Variants in EDAR observed in about 807,000 individuals in gnomAD.
EDAR encodes ectodysplasin A receptor, also known as tumor necrosis factor receptor superfamily member EDAR.
A neutral mutation model predicts 51.3 loss-of-function variants in EDAR; 38 were observed. The observed-to-expected ratio is 0.74, with a 90% CI of 0.57 to 0.97. EDAR has a LOEUF of 0.97. Among genes scored for constraint, EDAR ranks in the 50% least tolerant of loss-of-function variants. The pLI, the probability that EDAR is intolerant of heterozygous loss-of-function variation, is 0.00. For missense variants in EDAR, 528 were observed against 595.0 expected (o/e 0.89, Z 1.17); for synonymous variants, 227 against 242.1 (o/e 0.94, Z 0.58).
intron 11 of EDAR, among the ~76,000 whole-genome samples, chr2:108,900,939 T>G (rs1174087992): frequency 6.6e-6 from 1 of 152,150 alleles, no homozygotes; most frequent in East Asian, 1.9e-4. Context: ...AAGTCCACAA[T>G]TATAGTTGAA....
At chr2:108,900,556 A>C (rs1353598679) in intron 11 of EDAR, among the ~76,000 whole-genome samples, 1 of 66,788 alleles carries the variant, frequency 1.5e-5, no homozygotes, top group Non-Finnish European at 4.7e-5. Context: ...ACTCCAAAAA[A>C]AAAGAAAAAA....
chr2:108,921,356 T>C (rs1697136476), intron 5 of EDAR, among the ~76,000 whole-genome samples: 1 of 152,200 alleles, frequency 6.6e-6, no homozygotes, highest in Non-Finnish European at 1.5e-5. Flanking sequence ...CAGGGGCCCT[T>C]GGCAAGTCTG....
intron 1 of EDAR, among the ~76,000 whole-genome samples, chr2:108,956,531 A>G (rs1373062419): frequency 6.6e-6 from 1 of 152,208 alleles, no homozygotes; most frequent in Non-Finnish European, 1.5e-5. Context: ...GAAACTACAC[A>G]TGGCATTGAA....
intron 3 of EDAR, 98 bp from the exon 4 acceptor site, chr2:108,929,477 C>T (rs1697324825): frequency 1.6e-6 from 2 of 1,283,574 alleles, no homozygotes; most frequent in East Asian, 4.7e-5. Context: ...CCAGCTGTCT[C>T]CAGAAGCTAC....
intron 1 of EDAR, among the ~76,000 whole-genome samples, chr2:108,973,714 C>T (rs889040060): frequency 9.9e-5 from 15 of 152,210 alleles, no homozygotes; most frequent in African/African-American, 2.9e-4. Flanking sequence ...ACCTCCACAC[C>T]GACTACAAAA....
rs76479350 is a variant in EDAR, at chr2:108,908,808, A to T, written c.804-789T>A. On this transcript the variant is annotated intron_variant, in intron 9 of 11. Coordinates refer to ENST00000258443, the MANE Select transcript of EDAR (RefSeq NM_022336.4). Reference sequence around the variant, plus strand: ...CTTTTTTTCTTAAAAAAAGGATTATATTTGTTAGTAACTAGGTTACAGCAG... The same window carrying T: ...CTTTTTTTCTTAAAAAAAGGATTATTTTTGTTAGTAACTAGGTTACAGCAG... Among the ~76,000 whole-genome samples the T allele has an allele frequency of 4.8e-3, 728 of 152,280 alleles. 7 individuals carry two copies. The highest frequency in any genetic ancestry group is 0.023 in the South Asian group (110 of 4,820).
intron 1 of EDAR, among the ~76,000 whole-genome samples, chr2:108,953,539 G>C (rs759994948): frequency 1.2e-4 from 19 of 152,108 alleles, no homozygotes; most frequent in Non-Finnish European, 2.6e-4. Context: ...GTCCTGTGCT[G>C]TTTGTTGTCC....
chr2:108,932,540 AAAAAAAAAAAAAG>A (rs1218414901), intron 1 of EDAR, among the ~76,000 whole-genome samples: 1 of 151,102 alleles, frequency 6.6e-6, no homozygotes, highest in Non-Finnish European at 1.5e-5. Context: ...AAAAAAAAAA[AAAAAAAAAAAAAG>A]AAAGAAATTA....
At chr2:108,975,133 C>T (rs911254674) in intron 1 of EDAR, among the ~76,000 whole-genome samples, 7 of 152,196 alleles carry the variant, frequency 4.6e-5, no homozygotes, top group African/African-American at 1.2e-4. Context: ...TCTGAGGGTG[C>T]TGGGCAGGGT....
At chr2:108,971,398 C>G (rs1698228353) in intron 1 of EDAR, among the ~76,000 whole-genome samples, 1 of 151,964 alleles carries the variant, frequency 6.6e-6, no homozygotes, top group Non-Finnish European at 1.5e-5. Context: ...AACAAGACCC[C>G]CAGGTGATTT....
At chr2:108,951,026 T>C (rs1475786517) in intron 1 of EDAR, among the ~76,000 whole-genome samples, 1 of 152,228 alleles carries the variant, frequency 6.6e-6, no homozygotes, top group African/African-American at 2.4e-5. Context: ...GATGCTTCTA[T>C]ATTGAAGGGG....
At chr2:108,922,614 G>A (rs945463387) in intron 5 of EDAR, among the ~76,000 whole-genome samples, 7 of 152,204 alleles carry the variant, frequency 4.6e-5, no homozygotes, top group East Asian at 3.9e-4. Flanking sequence ...GGGTAGTGGC[G>A]CCTTATGGAG....
Position 108,926,535 on chromosome 2 carries a change from C to G in EDAR, c.356+2663G>C, listed in dbSNP as rs530620273. ...TTGGTGTGCAGAACCAGTGCAGAGT[C>G]GCTGTGTCCTGCCCCCTGCCCCCGC... On this transcript the variant is annotated intron_variant, in intron 4 of 11. Transcript: ENST00000258443. 6.6e-5 allele frequency among the ~76,000 whole-genome samples: 10 copies of G among 152,348 alleles called. No homozygotes were observed. The South Asian group carries it at 1.9e-3, about 28-fold the overall frequency.
chr2:108,910,538 G>T lies in EDAR; in HGVS notation c.731-6C>A. ...GGAGAACATCACCACGTTGTCTGCA[G>T]GGAAATGGGGAGGTTGGGGAGATAG... On this transcript the variant is annotated splice_region_variant and splice_polypyrimidine_tract_variant and intron_variant, in intron 8 of 11. Coordinates refer to ENST00000258443, the MANE Select transcript of EDAR (RefSeq NM_022336.4). 2 of 1,611,108 alleles carry T rather than the reference G, an allele frequency of 1.2e-6. No individual in the cohort carries two copies. The highest frequency in any genetic ancestry group is 1.7e-6 in the Non-Finnish European group (2 of 1,177,502).
intron 1 of EDAR, among the ~76,000 whole-genome samples, chr2:108,957,599 T>C (rs1271841023): frequency 6.6e-6 from 1 of 152,234 alleles, no homozygotes; most frequent in East Asian, 1.9e-4. Context: ...GCCACACACC[T>C]GGATAAACGT....
At chr2:108,899,368 A>C (rs1189731182) in intron 11 of EDAR, among the ~76,000 whole-genome samples, 1 of 152,244 alleles carries the variant, frequency 6.6e-6, no homozygotes, top group Non-Finnish European at 1.5e-5. Context: ...GAATATCAAG[A>C]CATTCCAAGC....
chr2:108,968,360 C>A lies in EDAR; in HGVS notation c.-19+20600G>T, dbSNP rs1466600242. On this transcript the variant is annotated intron_variant, in intron 1 of 11. Coordinates refer to ENST00000258443, the MANE Select transcript of EDAR (RefSeq NM_022336.4). ...TTTTTTTGTTTTTTGGATTATGCAT[C>A]CCTATAGAAAAATAATTGTACATGC... is the stretch of plus-strand genomic sequence containing the variant. 4.6e-5 allele frequency among the ~76,000 whole-genome samples: 7 copies of A among 152,210 alleles called. No individual in the cohort carries two copies. The East Asian group carries it at 7.7e-4, about 17-fold the overall frequency.
chr2:108,962,711 G>A (rs1476177964), intron 1 of EDAR, among the ~76,000 whole-genome samples: 2 of 144,016 alleles, frequency 1.4e-5, no homozygotes, highest in Non-Finnish European at 3.0e-5. Context: ...AGAGAGAAAG[G>A]AATGCAATTC....
chr2:108,942,872 ATTTT>A (rs1697634434), intron 1 of EDAR, among the ~76,000 whole-genome samples: 1 of 152,088 alleles, frequency 6.6e-6, no homozygotes, highest in Admixed American at 6.5e-5. Flanking sequence ...AGCGGGTAGG[ATTTT>A]TGTTTGTTTG....
Sources: allele counts gnomAD v4.1 joint callset (sites outside exome capture counted in the v4.1 genomes callset), GRCh38; gene constraint gnomAD v4.1.1; transcripts MANE v1.5; gene names NCBI Gene and HGNC (gene_info 2026-07-23, HGNC 2026-07-21).